The following SPHKAP variants were observed in gnomAD, a reference collection of about 807,000 sequenced individuals.
SPHKAP encodes the protein A-kinase anchor protein SPHKAP.
A neutral mutation model predicts 137.5 loss-of-function variants in SPHKAP; 67 were observed. That is an observed-to-expected ratio of 0.49 (90% CI 0.40 to 0.60). The LOEUF (loss-of-function observed/expected upper bound fraction) is 0.60. Among genes scored for constraint, SPHKAP ranks in the 20% least tolerant of loss-of-function variants. The probability of loss-of-function intolerance (pLI) is 0.00; values close to 1 mark genes in which losing one functional copy is unlikely to be tolerated. For synonymous variants in SPHKAP, 813 were observed against 785.3 expected, an observed-to-expected ratio of 1.04 and a Z score of -0.59; for missense variants, 2,097 against 2,069.3, an observed-to-expected ratio of 1.01 and a Z score of -0.26.
intron 7 of SPHKAP, among the ~76,000 whole-genome samples, chr2:228,003,540 T>C (rs1043608351): frequency 6.6e-6 from 1 of 152,190 alleles, no homozygotes; most frequent in African/African-American, 2.4e-5. Flanking sequence ...CTTTTCCTAA[T>C]TGAATACCTT....
In SPHKAP at chr2:228,017,032, C is replaced by A. The variant is rs369170852; in HGVS notation, c.3822G>T (p.Val1274=). ...AQNCPQDFLS[V]QPVSSASSSG... is the part of the protein sequence containing the mutation. ...ATGAGGACGCGCTACTGACCGGCTG[C>A]ACGCTTAGGAAATCTTGTGGGCAGT... The change falls in exon 7 of 12, where the codon GTG becomes GTT. Residue 1274 remains valine (V), a synonymous_variant. Transcript: ENST00000392056. The A allele has an allele frequency of 6.2e-7, 1 of 1,614,066 alleles. No individual in the cohort carries two copies. Among genetic ancestry groups the A allele is most frequent in the East Asian group, 2.2e-5 (1 of 44,854 alleles).
At chr2:228,028,961 G>T (rs1367378546) in intron 3 of SPHKAP, among the ~76,000 whole-genome samples, 1 of 152,104 alleles carries the variant, frequency 6.6e-6, no homozygotes, top group Non-Finnish European at 1.5e-5. Context: ...AAAGACTTTT[G>T]TTGGGTAGGG....
chr2:228,019,559 C>T lies in SPHKAP; in HGVS notation c.1295G>A (p.Cys432Tyr). The T allele has an allele frequency of 6.2e-7, 1 of 1,614,162 alleles. No homozygotes were observed. Among genetic ancestry groups the T allele is most frequent in the Non-Finnish European group, 8.5e-7 (1 of 1,180,014 alleles). ...AACCACTGTATCTTTTGTGGAATAG[C>T]AACTGGGAAGCAGAGAACTTCCTAC... ...VSVGSSLLPSCYSTKDTVVSR... is the reference protein window; with the variant it reads ...VSVGSSLLPSYYSTKDTVVSR... Residue 432 changes from cysteine to tyrosine, a missense_variant, in exon 7 of 12, where the codon TGC (cysteine) becomes TAC (tyrosine). Coordinates refer to ENST00000392056, the MANE Select transcript of SPHKAP (RefSeq NM_001142644.2).
intron 7 of SPHKAP, among the ~76,000 whole-genome samples, chr2:228,010,605 A>T (rs1161266473): frequency 1.3e-5 from 2 of 152,222 alleles, no homozygotes; most frequent in Non-Finnish European, 2.9e-5. Flanking sequence ...GAGTAGAAAC[A>T]GAAGACCTTT....
intron 2 of SPHKAP, chr2:228,131,191 C>T (rs2106374546): frequency 1.9e-6 from 1 of 537,712 alleles, no homozygotes; most frequent in South Asian, 8.2e-5. Flanking sequence ...TAACAATATG[C>T]TTAGTAACAG....
At chr2:228,113,692 T>C (rs1698601217) in intron 2 of SPHKAP, among the ~76,000 whole-genome samples, 1 of 149,390 alleles carries the variant, frequency 6.7e-6, no homozygotes, top group Non-Finnish European at 1.5e-5. Flanking sequence ...CAGTCCTGAC[T>C]CCTTGTTAAC....
In SPHKAP at chr2:228,017,389, G is replaced by A. The variant is rs747171683; in HGVS notation, c.3465C>T (p.Asn1155=). The A allele has an allele frequency of 1.1e-5, 18 of 1,613,904 alleles. No individual in the cohort carries two copies. The East Asian group carries it at 1.8e-4, about 16-fold the overall frequency. Residue 1155 remains asparagine, a synonymous_variant, in exon 7 of 12, where the codon AAC becomes AAT. Coordinates refer to ENST00000392056, the MANE Select transcript of SPHKAP (RefSeq NM_001142644.2). ...ELLLDYYAGK[N]ASSILNSAMQ... is the part of the protein sequence containing the mutation. ...TGGCTGAGTTCAGAATGCTGCTGGCGTTCTTGCCAGCATAGTAATCCAGCA... is the reference window on the plus strand; with the variant it reads ...TGGCTGAGTTCAGAATGCTGCTGGCATTCTTGCCAGCATAGTAATCCAGCA...
At chr2:228,064,915 G>C (rs1319154527) in intron 3 of SPHKAP, among the ~76,000 whole-genome samples, 1 of 152,142 alleles carries the variant, frequency 6.6e-6, no homozygotes, top group Admixed American at 6.5e-5. Flanking sequence ...TTATTATCAG[G>C]GTCATTTCTC....
At chr2:228,134,728 T>C (rs1467965521) in intron 1 of SPHKAP, among the ~76,000 whole-genome samples, 2 of 152,170 alleles carry the variant, frequency 1.3e-5, no homozygotes, top group Non-Finnish European at 2.9e-5. Context: ...GCCAAGGCCC[T>C]GTGTGCAGTT....
chr2:228,025,341 G>T (rs1694993697), intron 5 of SPHKAP, 53 bp downstream of exon 5: 6 of 1,601,446 alleles, frequency 3.7e-6, no homozygotes, highest in Non-Finnish European at 3.4e-6. Context: ...ACTGATCTGT[G>T]CTGAGCTAAC....
intron 3 of SPHKAP, among the ~76,000 whole-genome samples, chr2:228,044,374 A>T (rs1169396631): frequency 2.6e-5 from 4 of 152,220 alleles, no homozygotes; most frequent in Non-Finnish European, 5.9e-5. Flanking sequence ...ATCCAGATTG[A>T]ATATCTATAT....
chr2:228,091,413 A>G (rs2106326314), intron 3 of SPHKAP, among the ~76,000 whole-genome samples: 1 of 152,302 alleles, frequency 6.6e-6, no homozygotes, highest in Non-Finnish European at 1.5e-5. Flanking sequence ...AAAGATAAAT[A>G]GGTGTGACTT....
At chr2:228,134,457 A>T (rs770577897) in intron 1 of SPHKAP, among the ~76,000 whole-genome samples, 2 of 152,118 alleles carry the variant, frequency 1.3e-5, no homozygotes, top group Non-Finnish European at 2.9e-5. Context: ...AATATCAGAG[A>T]TGTCCTAAGT....
intron 1 of SPHKAP, among the ~76,000 whole-genome samples, chr2:228,177,407 C>T (rs530465407): frequency 6.8e-4 from 104 of 152,190 alleles, no homozygotes; most frequent in African/African-American, 1.9e-3. Flanking sequence ...CAGTGCTGGC[C>T]TTGAGGACAG....
At chr2:228,130,543 G>T (rs559816971) in intron 2 of SPHKAP, among the ~76,000 whole-genome samples, 3 of 152,308 alleles carry the variant, frequency 2.0e-5, no homozygotes, top group African/African-American at 7.2e-5. Flanking sequence ...AATTCAGGCA[G>T]TCTGGATTCA....
At chr2:228,070,146 A>T (rs951851835) in intron 3 of SPHKAP, among the ~76,000 whole-genome samples, 1 of 152,246 alleles carries the variant, frequency 6.6e-6, no homozygotes, top group Admixed American at 6.5e-5. Context: ...AAACTTAACT[A>T]CTAATAGCTT....
chr2:228,122,907 C>T (rs544416506), intron 2 of SPHKAP, among the ~76,000 whole-genome samples: 1 of 152,140 alleles, frequency 6.6e-6, no homozygotes, highest in Non-Finnish European at 1.5e-5. Flanking sequence ...TCTCCCAGTG[C>T]CCCCTTCCCA....
intron 2 of SPHKAP, among the ~76,000 whole-genome samples, chr2:228,109,731 C>T (rs1466020930): frequency 1.3e-5 from 2 of 151,802 alleles, no homozygotes; most frequent in East Asian, 1.9e-4. Flanking sequence ...TTTGGGAGGC[C>T]GAGGTGGGTG....
At chr2:228,112,888 C>T (rs868211667) in intron 2 of SPHKAP, among the ~76,000 whole-genome samples, 7 of 152,102 alleles carry the variant, frequency 4.6e-5, no homozygotes, top group South Asian at 2.1e-4. Context: ...GCTTTAGAGA[C>T]CTGCTCATTC....
Sources: allele counts gnomAD v4.1 joint callset (sites outside exome capture counted in the v4.1 genomes callset), GRCh38; gene constraint gnomAD v4.1.1; transcripts MANE v1.5; gene names NCBI Gene and HGNC (gene_info 2026-07-23, HGNC 2026-07-21).